Variants in TBC1D22A observed in about 807,000 individuals in gnomAD.
The protein encoded by TBC1D22A is putative GTPase activator.
Under a neutral mutation model 60.2 loss-of-function variants are expected in TBC1D22A, and 38 were observed. The observed-to-expected ratio is 0.63, with a 90% confidence interval of 0.49 to 0.83. The LOEUF is 0.83. Ranked by LOEUF, TBC1D22A falls within the 40% of genes least tolerant of loss-of-function variation. TBC1D22A has a pLI of 0.00. For missense variants in TBC1D22A, 628 were observed against 701.0 expected, an observed-to-expected ratio of 0.90 and a Z score of 1.18; for synonymous variants, 302 against 281.7, an observed-to-expected ratio of 1.07 and a Z score of -0.72.
At chr22:47,042,747 C>T (rs2062892728) in intron 11 of TBC1D22A, among the ~76,000 whole-genome samples, 1 of 152,250 alleles carries the variant, frequency 6.6e-6, no homozygotes, top group Non-Finnish European at 1.5e-5. Flanking sequence ...CCTTGAGGCA[C>T]ATCTCCCAGA....
At chr22:47,076,404 CACACAT>C (rs1248410945) in intron 11 of TBC1D22A, among the ~76,000 whole-genome samples, 2,976 of 112,364 alleles carry the variant, frequency 0.026, 60 homozygotes, top group African/African-American at 0.048. Context: ...CACACACACA[CACACAT>C]ATATATATAT....
At chr22:46,768,853 G>A (rs903894543) in intron 1 of TBC1D22A, among the ~76,000 whole-genome samples, 6 of 152,016 alleles carry the variant, frequency 3.9e-5, no homozygotes, top group Admixed American at 3.9e-4. Flanking sequence ...CAGCACTTTG[G>A]GGGGCCCAGG....
intron 12 of TBC1D22A, among the ~76,000 whole-genome samples, chr22:47,168,655 G>A (rs1020768345): frequency 3.9e-5 from 6 of 152,098 alleles, no homozygotes; most frequent in Admixed American, 1.3e-4. Context: ...TCAGGGTCTC[G>A]AAGGAACCCA....
chr22:47,026,904 A>G (rs1158849542), intron 10 of TBC1D22A, among the ~76,000 whole-genome samples: 1 of 152,224 alleles, frequency 6.6e-6, no homozygotes, highest in Non-Finnish European at 1.5e-5. Context: ...TTCATATGGA[A>G]ATACAAACTC....
intron 11 of TBC1D22A, among the ~76,000 whole-genome samples, chr22:47,103,656 C>CG (rs71192465): frequency 0.01 from 1,543 of 152,234 alleles, 11 homozygotes; most frequent in Non-Finnish European, 0.014. Context: ...ATATAGGAGT[C>CG]GCAGTGGCAT....
chr22:46,975,361 T>G (rs747473586), intron 9 of TBC1D22A, among the ~76,000 whole-genome samples: 15 of 151,938 alleles, frequency 9.9e-5, no homozygotes, highest in Non-Finnish European at 1.2e-4. Flanking sequence ...GGACAGTGAA[T>G]TTTGCTGACA....
chr22:47,148,903 A>G (rs145712430), intron 12 of TBC1D22A, among the ~76,000 whole-genome samples: 3 of 148,960 alleles, frequency 2.0e-5, no homozygotes, highest in African/African-American at 7.8e-5. Flanking sequence ...GCCTAGCCAC[A>G]GCTTCCCATG....
intron 12 of TBC1D22A, among the ~76,000 whole-genome samples, chr22:47,147,398 C>CAA (rs879818461): frequency 0.11 from 16,024 of 152,204 alleles, 981 homozygotes; most frequent in Non-Finnish European, 0.15. Flanking sequence ...GTGTGTTTTG[C>CAA]TGACTTGACC....
intron 9 of TBC1D22A, among the ~76,000 whole-genome samples, chr22:46,994,741 C>T (rs1180001006): frequency 3.3e-5 from 5 of 152,314 alleles, no homozygotes; most frequent in Middle Eastern, 6.8e-3. Context: ...ATTGTTCAAC[C>T]GGGCTCATCA....
intron 8 of TBC1D22A, among the ~76,000 whole-genome samples, chr22:46,972,292 G>A (rs2074096079): frequency 6.6e-6 from 1 of 152,232 alleles, no homozygotes; most frequent in African/African-American, 2.4e-5. Flanking sequence ...GAGGGCGTCA[G>A]GTCTCTCACT....
rs6009108 is a variant in TBC1D22A, at chr22:47,028,663, G to A, written c.1202-8408G>A. ...GTGTCTTGGGTCTGACCTGTCTTCA[G>A]CCCCATCCTTGTGTTGAGCATGTGA... On this transcript the variant is annotated intron_variant, in intron 10 of 12. Transcript: ENST00000337137. The surrounding 1 kb of genome is among the most constrained non-coding windows in gnomAD (Gnocchi z 4.4). Among the ~76,000 whole-genome samples the A allele has an allele frequency of 6.6e-6, 1 of 152,302 alleles. No individual in the cohort carries two copies. Among genetic ancestry groups the A allele is most frequent in the Non-Finnish European group, 1.5e-5 (1 of 68,030 alleles).
chr22:47,107,345 C>G (rs1386484126), intron 11 of TBC1D22A, among the ~76,000 whole-genome samples: 2 of 152,132 alleles, frequency 1.3e-5, no homozygotes, highest in Admixed American at 6.6e-5. Context: ...GGACCAAGAT[C>G]TTTGGTTAGA....
intron 8 of TBC1D22A, among the ~76,000 whole-genome samples, chr22:46,963,384 C>CTCATCACACTTCCTGCCCTGGG (rs1412964610): frequency 6.6e-6 from 1 of 152,098 alleles, no homozygotes; most frequent in African/African-American, 2.4e-5. Context: ...GTGCCCAAGG[C>CTCATCACACTTCCTGCCCTGGG]TGGAAAGGCC....
chr22:46,915,593 T>C (rs1318400856), intron 8 of TBC1D22A: 5 of 456,574 alleles, frequency 1.1e-5, no homozygotes, highest in Non-Finnish European at 2.2e-5. Flanking sequence ...ACTTGGATAT[T>C]CCTCTTTTCT....
chr22:46,885,834 G>A (rs747766610), intron 5 of TBC1D22A, among the ~76,000 whole-genome samples: 22 of 152,080 alleles, frequency 1.4e-4, no homozygotes, highest in Non-Finnish European at 2.2e-4. Context: ...ATAATCACCC[G>A]GAAGGCACCG....
intron 11 of TBC1D22A, among the ~76,000 whole-genome samples, chr22:47,084,391 C>G (rs969230651): frequency 6.6e-6 from 1 of 152,184 alleles, no homozygotes; most frequent in Non-Finnish European, 1.5e-5. Context: ...CTGGGTGCAT[C>G]AACAGGTTGC....
At chr22:46,975,557 A>T (rs1405957184) in intron 9 of TBC1D22A, among the ~76,000 whole-genome samples, 1 of 152,130 alleles carries the variant, frequency 6.6e-6, no homozygotes, top group Non-Finnish European at 1.5e-5. Context: ...CCCAGCTCAA[A>T]GGGGGGCCCT....
chr22:46,840,958 C>G (rs926536437), intron 4 of TBC1D22A, among the ~76,000 whole-genome samples: 1 of 151,820 alleles, frequency 6.6e-6, no homozygotes, highest in Non-Finnish European at 1.5e-5. Context: ...GATATTTGTA[C>G]CTTCGTGTTC....
At chr22:47,127,412 T>TG (rs1556298992) in intron 12 of TBC1D22A, among the ~76,000 whole-genome samples, 2 of 147,240 alleles carry the variant, frequency 1.4e-5, no homozygotes, top group Non-Finnish European at 3.0e-5. Context: ...TTTTTTTTTT[T>TG]GTATTTTTAG....
Sources: gnomAD v4.1 joint callset for allele counts (sites outside exome capture counted in the v4.1 genomes callset) on GRCh38, gnomAD v4.1.1 for gene constraint, Gnocchi (gnomAD v3.1) non-coding constraint, MANE v1.5 for transcripts, NCBI Gene and HGNC (gene_info 2026-07-23, HGNC 2026-07-21) for gene names.